KIAA0040: variants seen among roughly 807,000 people sequenced by gnomAD.
KIAA0040 encodes KIAA0040, also known as uncharacterized protein KIAA0040.
In KIAA0040, 10 loss-of-function variants were observed where a neutral mutation model predicts 7.2. The observed-to-expected ratio is 1.38, with a 90% CI of 0.85 to 2.34. The LOEUF is 2.34. Ranked by LOEUF, KIAA0040 falls within the 30% of genes most tolerant of loss-of-function variation. The probability of loss-of-function intolerance (pLI) is 0.00; values close to 1 mark genes in which losing one functional copy is unlikely to be tolerated. For synonymous variants in KIAA0040, 49 were observed against 40.1 expected (o/e 1.22, Z -0.84); for missense variants, 89 against 108.2 (o/e 0.82, Z 0.79).
intron 2 of KIAA0040, among the ~76,000 whole-genome samples, chr1:175,172,003 A>T (rs1418606912): frequency 2.0e-5 from 3 of 152,208 alleles, no homozygotes; most frequent in Admixed American, 1.3e-4. Flanking sequence ...AAAGAATTTT[A>T]AAAAGCCTTC....
At chr1:175,171,006 G>A (rs576645265) in intron 2 of KIAA0040, among the ~76,000 whole-genome samples, 2 of 152,282 alleles carry the variant, frequency 1.3e-5, no homozygotes, top group East Asian at 1.9e-4. Context: ...TGGCCTAGCC[G>A]CGCCTACTAC....
rs60272004 is a variant in KIAA0040, at chr1:175,166,273, C to T, written c.-134+289G>A. 3.5e-3 allele frequency among the ~76,000 whole-genome samples: 529 copies of T among 152,290 alleles called. 4 individuals carry two copies. The highest frequency in any genetic ancestry group is 0.012 in the African/African-American group (504 of 41,560). On this transcript the variant is annotated intron_variant, in intron 3 of 3. Transcript: ENST00000423313. ...ACTGTGCTTGCTTTAGCTCCTCTGC[C>T]CAGGATCCCAGGTGACAGCAGGATG...
chr1:175,167,632 G>A (rs28650237), intron 2 of KIAA0040, among the ~76,000 whole-genome samples: 7 of 152,172 alleles, frequency 4.6e-5, no homozygotes, highest in Non-Finnish European at 8.8e-5. Context: ...TCTCTCTGAC[G>A]TGTGAGAGGA....
Position 175,164,969 on chromosome 1 carries a change from A to G in KIAA0040, c.-134+1593T>C, listed in dbSNP as rs556215649. ...TTGAATAGCACTGACAATGCTTGAA[A>G]AGTAATTCATCTATTTTTGTAAGAC... On this transcript the variant is annotated intron_variant, in intron 3 of 3. Coordinates refer to ENST00000423313, the MANE Select transcript of KIAA0040 (RefSeq NM_014656.3). Among the ~76,000 whole-genome samples, 4 of 152,374 alleles carry G rather than the reference A, an allele frequency of 2.6e-5. No individual in the cohort carries two copies. The East Asian group carries it at 7.7e-4, about 29-fold the overall frequency.
rs899375344 is a variant in KIAA0040 at position 175,158,218 on chromosome 1, C to T, written c.*2496G>A. 1.3e-5 allele frequency: 2 copies of T among 152,262 alleles called. No individual in the cohort carries two copies. Among genetic ancestry groups the T allele is most frequent in the Non-Finnish European group, 2.9e-5 (2 of 68,150 alleles). 9.4% of individuals were successfully genotyped at this position (152,262 alleles called of 1,614,324 possible). On this transcript the variant is annotated 3_prime_UTR_variant, in exon 4 of 4. Coordinates refer to ENST00000423313, the MANE Select transcript of KIAA0040 (RefSeq NM_014656.3). ...AGTCTGTGATGGGGAAAAGAGAGGC[C>T]CCATTCTGGGTTTGGCTCTTCTGAG...
chr1:175,172,504 G>A (rs1333189539), intron 2 of KIAA0040, among the ~76,000 whole-genome samples: 2 of 152,124 alleles, frequency 1.3e-5, no homozygotes, highest in Non-Finnish European at 2.9e-5. Flanking sequence ...GCTTGAGCCC[G>A]GGAGTTTGAG....
chr1:175,163,723 A>G (rs1348479260), intron 3 of KIAA0040, among the ~76,000 whole-genome samples: 1 of 152,088 alleles, frequency 6.6e-6, no homozygotes, highest in African/African-American at 2.4e-5. Context: ...CTTTTCTTTA[A>G]TTTGATTCTA....
At position 175,176,073 on chromosome 1, in the gene KIAA0040, A is replaced by G. The variant is rs1011857351; in HGVS notation, c.-310+1538T>C. On this transcript the variant is annotated intron_variant, in intron 2 of 3. Coordinates refer to ENST00000423313, the MANE Select transcript of KIAA0040 (RefSeq NM_014656.3). ...AACTTGCATAATTCTCTTTAATACTAGAGACAGGAACTTAAGAGTTCTGCA... is the reference window on the plus strand; with the variant it reads ...AACTTGCATAATTCTCTTTAATACTGGAGACAGGAACTTAAGAGTTCTGCA... 1.8e-4 allele frequency among the ~76,000 whole-genome samples: 27 copies of G among 152,274 alleles called. 2 individuals carry two copies.
chr1:175,167,224 A>G (rs879529242), intron 2 of KIAA0040, among the ~76,000 whole-genome samples: 10 of 152,180 alleles, frequency 6.6e-5, no homozygotes, highest in Admixed American at 3.3e-4. Context: ...CACAAAATAA[A>G]CTTATTTTAA....
intron 2 of KIAA0040, among the ~76,000 whole-genome samples, chr1:175,175,014 C>T (rs373411564): frequency 2.6e-5 from 4 of 152,016 alleles, no homozygotes; most frequent in Non-Finnish European, 4.4e-5. Context: ...AGCCAGAAGC[C>T]GAGGCTCTGA....
intron 3 of KIAA0040, among the ~76,000 whole-genome samples, chr1:175,162,475 C>T (rs1327971809): frequency 6.6e-6 from 1 of 151,838 alleles, no homozygotes; most frequent in Non-Finnish European, 1.5e-5. Flanking sequence ...AGCAGAGGAA[C>T]TAAGGATGAC....
chr1:175,178,490 T>C (rs1354190676), intron 1 of KIAA0040, among the ~76,000 whole-genome samples: 4 of 152,254 alleles, frequency 2.6e-5, no homozygotes, highest in Non-Finnish European at 1.5e-5. Flanking sequence ...ATTGTTTGCA[T>C]CAATAAAATA....
At position 175,161,061 on chromosome 1, in the gene KIAA0040, G is replaced by A. The variant is rs1207675115; in HGVS notation, c.-48C>T. 1 of 1,495,752 alleles carries A rather than the reference G, an allele frequency of 6.7e-7. No individual in the cohort carries two copies. Among genetic ancestry groups the A allele is most frequent in the Admixed American group, 2.3e-5 (1 of 43,572 alleles). 92.7% of individuals were successfully genotyped at this position (1,495,752 alleles called of 1,614,324 possible). ...AGAGAACCCTCTCGGCTTACAAGCA[G>A]GTCCTGGGCTCAAAAGGATGCAACC... On this transcript the variant is annotated 5_prime_UTR_variant, in exon 4 of 4. Coordinates refer to ENST00000423313, the MANE Select transcript of KIAA0040 (RefSeq NM_014656.3).
intron 1 of KIAA0040, among the ~76,000 whole-genome samples, chr1:175,182,579 G>A (rs1444446064): frequency 6.6e-6 from 1 of 152,218 alleles, no homozygotes; most frequent in Non-Finnish European, 1.5e-5. Context: ...TGCCACCAGA[G>A]AGTGGATTGT....
At chr1:175,191,575 A>G (rs1455070297) in intron 1 of KIAA0040, among the ~76,000 whole-genome samples, 8 of 152,232 alleles carry the variant, frequency 5.3e-5, no homozygotes, top group African/African-American at 1.9e-4. Flanking sequence ...GGCTGGTAAG[A>G]CGCTTGCAGA....
intron 2 of KIAA0040, among the ~76,000 whole-genome samples, chr1:175,167,385 T>C (rs1390715905): frequency 1.3e-5 from 2 of 152,172 alleles, no homozygotes; most frequent in Non-Finnish European, 2.9e-5. Context: ...ACAATACCTG[T>C]ATTGTGCTTT....
intron 2 of KIAA0040, among the ~76,000 whole-genome samples, chr1:175,167,719 G>A (rs897539477): frequency 3.3e-5 from 5 of 152,170 alleles, no homozygotes; most frequent in Non-Finnish European, 7.3e-5. Flanking sequence ...GGTGATGGTG[G>A]TCGGAAAGGG....
chr1:175,190,115 C>T (rs185603950), intron 1 of KIAA0040, among the ~76,000 whole-genome samples: 1 of 152,320 alleles, frequency 6.6e-6, no homozygotes, highest in East Asian at 1.9e-4. Flanking sequence ...AAGGTCTTCA[C>T]AGATCTTACA....
At chr1:175,181,366 G>A (rs1677434004) in intron 1 of KIAA0040, among the ~76,000 whole-genome samples, 1 of 152,118 alleles carries the variant, frequency 6.6e-6, no homozygotes, top group Non-Finnish European at 1.5e-5. Flanking sequence ...ACACCATTGT[G>A]GCCAAGGAAG....
Sources: gnomAD v4.1 joint callset for allele counts (sites outside exome capture counted in the v4.1 genomes callset) on GRCh38, gnomAD v4.1.1 for gene constraint, MANE v1.5 for transcripts, NCBI Gene and HGNC (gene_info 2026-07-23, HGNC 2026-07-21) for gene names.